The following RAB7A variants were observed in gnomAD, a reference collection of about 807,000 sequenced individuals.
RAB7A encodes RAB7A, member RAS oncogene family, also known as ras-related protein Rab-7a.
A neutral mutation model predicts 24.5 loss-of-function variants in RAB7A; 2 were observed. The observed-to-expected ratio is 0.08, with a 90% confidence interval of 0.03 to 0.26. RAB7A has a LOEUF of 0.26. RAB7A is among the 10% of genes least tolerant of loss of function. The pLI is 1.00. For missense variants in RAB7A, 118 were observed against 255.7 expected, an observed-to-expected ratio of 0.46 and a Z score of 3.67; for synonymous variants, 100 against 95.9, an observed-to-expected ratio of 1.04 and a Z score of -0.25.
intron 1 of RAB7A, among the ~76,000 whole-genome samples, chr3:128,765,831 G>A (rs935970124): frequency 2.0e-5 from 3 of 150,420 alleles, no homozygotes; most frequent in African/African-American, 7.4e-5. Context: ...GCTCAGTCTC[G>A]GCTCACTGCA....
At chr3:128,744,581 A>T (rs540321930) in intron 1 of RAB7A, among the ~76,000 whole-genome samples, 42 of 152,342 alleles carry the variant, frequency 2.8e-4, no homozygotes, top group African/African-American at 9.4e-4. Context: ...CAGCCAAGTG[A>T]TCTGCTAAGC....
At chr3:128,798,731 C>T (rs141218989) in intron 3 of RAB7A, 1,805 of 168,064 alleles carry the variant, frequency 0.011, 32 homozygotes, top group African/African-American at 0.04. Context: ...GGATGGATAC[C>T]TTGAGCCCAG....
intron 1 of RAB7A, among the ~76,000 whole-genome samples, chr3:128,771,124 C>T (rs2070881179): frequency 6.6e-6 from 1 of 152,134 alleles, no homozygotes; most frequent in South Asian, 2.1e-4. Flanking sequence ...CATGCACCAC[C>T]ATGCCCAGCT....
At chr3:128,769,068 A>AT (rs963915917) in intron 1 of RAB7A, among the ~76,000 whole-genome samples, 1 of 121,202 alleles carries the variant, frequency 8.3e-6, no homozygotes, top group South Asian at 2.7e-4. Context: ...GATTTTTGTA[A>AT]TTTTTTGTAG....
At chr3:128,810,699 T>C (rs1359988370) in intron 5 of RAB7A, among the ~76,000 whole-genome samples, 2 of 152,212 alleles carry the variant, frequency 1.3e-5, no homozygotes, top group Non-Finnish European at 2.9e-5. Flanking sequence ...ATTCCTTCCT[T>C]ACTCCAAATA....
At chr3:128,778,454 C>T (rs1933144350) in intron 1 of RAB7A, among the ~76,000 whole-genome samples, 1 of 152,178 alleles carries the variant, frequency 6.6e-6, no homozygotes, top group African/African-American at 2.4e-5. Flanking sequence ...TTAATTATCA[C>T]CTCTGTTAGG....
intron 1 of RAB7A, among the ~76,000 whole-genome samples, chr3:128,787,107 C>T (rs1360261619): frequency 3.9e-5 from 6 of 152,138 alleles, no homozygotes; most frequent in Non-Finnish European, 5.9e-5. Flanking sequence ...TTCGTACCTT[C>T]CTGAGTTTTC....
At chr3:128,804,086 T>A (rs1933751729) in intron 3 of RAB7A, among the ~76,000 whole-genome samples, 1 of 149,056 alleles carries the variant, frequency 6.7e-6, no homozygotes, top group Non-Finnish European at 1.5e-5. Flanking sequence ...CACAAGTTCC[T>A]GCTTCATGGG....
At chr3:128,803,623 T>C (rs1933742822) in intron 3 of RAB7A, among the ~76,000 whole-genome samples, 2 of 152,318 alleles carry the variant, frequency 1.3e-5, no homozygotes, top group South Asian at 4.1e-4. Context: ...CATTGCAGCC[T>C]TGCATGGGGA....
intron 3 of RAB7A, among the ~76,000 whole-genome samples, chr3:128,801,869 A>AT (rs925026531): frequency 1.1e-4 from 17 of 152,276 alleles, no homozygotes; most frequent in African/African-American, 4.1e-4. Flanking sequence ...TCATAATGAA[A>AT]TTAAAAAAAA....
intron 1 of RAB7A, among the ~76,000 whole-genome samples, chr3:128,736,704 A>G (rs1320053497): frequency 6.6e-6 from 1 of 152,164 alleles, no homozygotes; most frequent in Non-Finnish European, 1.5e-5. Context: ...ATTTAAATAC[A>G]GTTGAATACA....
chr3:128,758,430 G>A (rs1285519967), intron 1 of RAB7A, among the ~76,000 whole-genome samples: 21 of 150,330 alleles, frequency 1.4e-4, no homozygotes, highest in African/African-American at 4.9e-4. Context: ...CCGCCACTAC[G>A]CCCAGCTAAT....
At chr3:128,783,946 C>T (rs1414224915) in intron 1 of RAB7A, among the ~76,000 whole-genome samples, 3 of 152,204 alleles carry the variant, frequency 2.0e-5, no homozygotes, top group Non-Finnish European at 4.4e-5. Flanking sequence ...CTTTGCTGTA[C>T]TTTGCCATGA....
At chr3:128,778,059 T>G (rs1384548547) in intron 1 of RAB7A, among the ~76,000 whole-genome samples, 2 of 152,142 alleles carry the variant, frequency 1.3e-5, no homozygotes, top group Non-Finnish European at 2.9e-5. Context: ...AAGAAGATGG[T>G]GTAGATATCA....
intron 1 of RAB7A, among the ~76,000 whole-genome samples, chr3:128,784,985 G>A (rs1245613998): frequency 6.9e-6 from 1 of 144,474 alleles, no homozygotes; most frequent in African/African-American, 2.6e-5. Flanking sequence ...TCGCTCTGTC[G>A]CCCAGGCTGG....
chr3:128,759,844 G>A (rs1337865955), intron 1 of RAB7A, among the ~76,000 whole-genome samples: 1 of 152,040 alleles, frequency 6.6e-6, no homozygotes, highest in Admixed American at 6.6e-5. Context: ...CCAAGTAGCT[G>A]GAATTACAGG....
intron 1 of RAB7A, among the ~76,000 whole-genome samples, chr3:128,772,923 G>A (rs1228064964): frequency 1.3e-5 from 2 of 152,190 alleles, no homozygotes; most frequent in Non-Finnish European, 2.9e-5. Context: ...GTGCAGTGGC[G>A]TGATCTCGGC....
intron 2 of RAB7A, among the ~76,000 whole-genome samples, chr3:128,796,211 T>G (rs1414305206): frequency 6.6e-6 from 1 of 151,844 alleles, no homozygotes; most frequent in African/African-American, 2.4e-5. Context: ...CTGTGGTAGG[T>G]TGGGTGAGGT....
intron 1 of RAB7A, among the ~76,000 whole-genome samples, chr3:128,769,445 T>A (rs1280948315): frequency 1.3e-5 from 2 of 152,244 alleles, no homozygotes; most frequent in East Asian, 3.8e-4. Context: ...TGGTGAAGCA[T>A]CTATTAGATC....
Sources: allele counts gnomAD v4.1 joint callset (sites outside exome capture counted in the v4.1 genomes callset), GRCh38; gene constraint gnomAD v4.1.1; transcripts MANE v1.5; gene names NCBI Gene and HGNC (gene_info 2026-07-23, HGNC 2026-07-21).